Variants in ENOX1 observed in about 807,000 individuals in gnomAD.
ENOX1 encodes the protein ecto-NOX disulfide-thiol exchanger 1.
A neutral mutation model predicts 82.5 loss-of-function variants in ENOX1; 42 were observed. That is an observed-to-expected ratio of 0.51 (90% CI 0.40 to 0.66). The LOEUF (loss-of-function observed/expected upper bound fraction) is 0.66, where lower values mean the gene tolerates loss of function less well. Among genes scored for constraint, ENOX1 ranks in the 30% least tolerant of loss-of-function variants. The pLI, the probability that ENOX1 is intolerant of heterozygous loss-of-function variation, is 0.00. For synonymous variants in ENOX1, 271 were observed against 282.2 expected, an observed-to-expected ratio of 0.96 and a Z score of 0.40; for missense variants, 608 against 811.6, an observed-to-expected ratio of 0.75 and a Z score of 3.05.
chr13:43,308,269 T>C (rs1456432090), intron 11 of ENOX1, among the ~76,000 whole-genome samples: 1 of 152,136 alleles, frequency 6.6e-6, no homozygotes, highest in South Asian at 2.1e-4. Context: ...CCACTTAAAC[T>C]ACCTCCCTCT....
chr13:43,575,448 T>C (rs2080378380), intron 2 of ENOX1, among the ~76,000 whole-genome samples: 1 of 152,276 alleles, frequency 6.6e-6, no homozygotes, highest in Middle Eastern at 3.4e-3. Context: ...TCCTGACAGA[T>C]GGGAAATACA....
chr13:43,277,955 G>A lies in ENOX1; in HGVS notation c.1447-8378C>T, dbSNP rs186664255. On this transcript the variant is annotated intron_variant, in intron 12 of 16. Transcript: ENST00000690772. ...AGGGCCTAAGTCTGCAGCAAGTGGC[G>A]GGGCACCAAGGACGGGGCCTGGGCT... 9.2e-5 allele frequency among the ~76,000 whole-genome samples: 14 copies of A among 152,250 alleles called. No individual in the cohort carries two copies. The East Asian group carries it at 1.5e-3, about 17-fold the overall frequency.
intron 2 of ENOX1, among the ~76,000 whole-genome samples, chr13:43,599,124 TA>T (rs1218260732): frequency 6.6e-6 from 1 of 152,066 alleles, no homozygotes; most frequent in Non-Finnish European, 1.5e-5. Flanking sequence ...GGAAGAGGTT[TA>T]ATAGAACCCT....
At chr13:43,253,656 G>C (rs1460652853) in intron 14 of ENOX1, among the ~76,000 whole-genome samples, 1 of 152,158 alleles carries the variant, frequency 6.6e-6, no homozygotes, top group East Asian at 1.9e-4. Flanking sequence ...CAAATGTCTA[G>C]GAAGCCCTAT....
intron 3 of ENOX1, among the ~76,000 whole-genome samples, chr13:43,482,117 T>A (rs2058528931): frequency 6.6e-6 from 1 of 152,188 alleles, no homozygotes; most frequent in East Asian, 1.9e-4. Flanking sequence ...AACTACCATA[T>A]GATCCAGCAA....
intron 2 of ENOX1, chr13:43,544,748 A>T (rs2078900530): frequency 6.6e-6 from 1 of 152,210 alleles, no homozygotes. Flanking sequence ...AGCTTCATCC[A>T]GTAAGCGTCA....
intron 2 of ENOX1, among the ~76,000 whole-genome samples, chr13:43,664,118 C>T (rs74436076): frequency 6.6e-6 from 1 of 152,118 alleles, no homozygotes; most frequent in Non-Finnish European, 1.5e-5. Flanking sequence ...ATAATAATTA[C>T]ATTCTAATGT....
At chr13:43,740,543 C>A (rs1158883668) in intron 1 of ENOX1, among the ~76,000 whole-genome samples, 2 of 151,914 alleles carry the variant, frequency 1.3e-5, no homozygotes, top group African/African-American at 4.8e-5. Context: ...GTAAACATGT[C>A]TCGTGGGGTT....
intron 5 of ENOX1, among the ~76,000 whole-genome samples, chr13:43,397,460 T>C (rs1011143455): frequency 7.2e-5 from 11 of 152,204 alleles, no homozygotes; most frequent in Non-Finnish European, 1.6e-4. Flanking sequence ...GGCTCATTTT[T>C]CCTGCTGAGA....
In ENOX1 at chr13:43,339,988, A is replaced by C. The variant is rs529980877; in HGVS notation, c.1036+4550T>G. On this transcript the variant is annotated intron_variant, in intron 9 of 16. Coordinates refer to ENST00000690772, the MANE Select transcript of ENOX1 (RefSeq NM_001347969.2). ...TTTTACAAGCATCCCCAAAGTCCTG[A>C]CATCAAACACATCTTACCACACTGA... Among the ~76,000 whole-genome samples, 7 of 152,372 alleles carry C rather than the reference A, an allele frequency of 4.6e-5. No individual in the cohort carries two copies. In the South Asian group the frequency reaches 1.4e-3, roughly 32 times the overall value.
At chr13:43,525,339 C>A (rs185853611) in intron 2 of ENOX1, among the ~76,000 whole-genome samples, 9 of 152,256 alleles carry the variant, frequency 5.9e-5, no homozygotes, top group Admixed American at 5.2e-4. Flanking sequence ...CTAGGTACTT[C>A]ATATAAATGG....
intron 14 of ENOX1, among the ~76,000 whole-genome samples, chr13:43,258,611 T>C (rs2043882772): frequency 6.6e-6 from 1 of 152,162 alleles, no homozygotes; most frequent in Admixed American, 6.6e-5. Flanking sequence ...ATCCAACTTC[T>C]TGACTTCAGG....
intron 2 of ENOX1, among the ~76,000 whole-genome samples, chr13:43,617,888 TG>T (rs1460729166): frequency 2.6e-5 from 1 of 38,452 alleles, no homozygotes; most frequent in Non-Finnish European, 7.5e-5. Context: ...CAACATCTAC[TG>T]GTTTGTTGTT....
chr13:43,252,742 C>T (rs982236777), intron 14 of ENOX1, among the ~76,000 whole-genome samples: 3 of 152,138 alleles, frequency 2.0e-5, no homozygotes, highest in East Asian at 1.9e-4. Context: ...GATTTAAATG[C>T]CCAGTTATAG....
chr13:43,213,157 A>AAATT lies in ENOX1; in HGVS notation c.*829_*832dup, dbSNP rs1428467304. On this transcript the variant is annotated 3_prime_UTR_variant, in exon 17 of 17. Coordinates refer to ENST00000690772, the MANE Select transcript of ENOX1 (RefSeq NM_001347969.2). ...TGGTAGAAGTCATATTTATTGAAAAAAATTAATATCTTTGCTATAAAATTT... is the reference window on the plus strand; with the variant it reads ...TGGTAGAAGTCATATTTATTGAAAAAAATTAATTAATATCTTTGCTATAAAATTT... Among the ~76,000 whole-genome samples the AAATT allele has an allele frequency of 6.6e-6, 1 of 152,192 alleles. No homozygotes were observed. The highest frequency in any genetic ancestry group is 1.5e-5 in the Non-Finnish European group (1 of 67,994).
chr13:43,772,336 G>A (rs561343184), intron 1 of ENOX1, among the ~76,000 whole-genome samples: 1 of 152,234 alleles, frequency 6.6e-6, no homozygotes, highest in East Asian at 1.9e-4. Flanking sequence ...TTGGGATCAA[G>A]TTAAAGATGC....
Position 43,217,100 on chromosome 13 carries a change from T to C in ENOX1, c.1801-2979A>G, listed in dbSNP as rs7324460. On this transcript the variant is annotated intron_variant, in intron 16 of 16. Coordinates refer to ENST00000690772, the MANE Select transcript of ENOX1 (RefSeq NM_001347969.2). Reference sequence around the variant, plus strand: ...ACCAGACCTCCTGGCTGTGGTGCCTTGTTCTTAACCACCCCTGCCCACCTC... The same window carrying C: ...ACCAGACCTCCTGGCTGTGGTGCCTCGTTCTTAACCACCCCTGCCCACCTC... Among the ~76,000 whole-genome samples, 1,363 of 152,254 alleles carry C rather than the reference T, an allele frequency of 9.0e-3. 16 individuals carry two copies. Among genetic ancestry groups the C allele is most frequent in the African/African-American group, 0.027 (1,135 of 41,532 alleles).
chr13:43,555,791 G>A (rs1408607416), intron 2 of ENOX1, among the ~76,000 whole-genome samples: 1 of 152,172 alleles, frequency 6.6e-6, no homozygotes, highest in Non-Finnish European at 1.5e-5. Context: ...ATTAGTGAAG[G>A]GAGAAAAGCA....
intron 14 of ENOX1, among the ~76,000 whole-genome samples, chr13:43,242,516 A>G (rs879335190): frequency 9.2e-5 from 14 of 152,336 alleles, no homozygotes; most frequent in South Asian, 6.2e-4. Flanking sequence ...GTCTGCCTGA[A>G]TTTACCAATG....
Sources: allele counts gnomAD v4.1 joint callset (sites outside exome capture counted in the v4.1 genomes callset), GRCh38; gene constraint gnomAD v4.1.1; transcripts MANE v1.5; gene names NCBI Gene and HGNC (gene_info 2026-07-23, HGNC 2026-07-21).